The following ZNF699 variants were observed in gnomAD, a reference collection of about 807,000 sequenced individuals.
ZNF699 encodes the protein hangover homolog.
A neutral mutation model predicts 22.5 loss-of-function variants in ZNF699; 18 were observed. The ratio of observed to expected loss-of-function variants is 0.80; its 90% CI spans 0.55 to 1.19. The LOEUF (loss-of-function observed/expected upper bound fraction) is 1.19, where lower values mean the gene tolerates loss of function less well. ZNF699 is among the 50% of genes most tolerant of loss of function. The pLI is 0.00. For synonymous variants in ZNF699, 241 were observed against 262.3 expected (o/e 0.92, Z 0.78); for missense variants, 670 against 763.4 (o/e 0.88, Z 1.44).
At position 9,305,142 on chromosome 19, in the gene ZNF699, G is replaced by A. The variant is rs774885206; in HGVS notation, c.-5-18C>T. The A allele has an allele frequency of 1.2e-6, 2 of 1,610,958 alleles. No individual in the cohort carries two copies. The highest frequency in any genetic ancestry group is 1.7e-6 in the Non-Finnish European group (2 of 1,178,638). The stretch of plus-strand genomic sequence containing the variant: ...CATGTCGCCTTCATGAAGAAAAGCA[G>A]GATATTGAGAAGTTAGAATTAAAAA... On this transcript the variant is annotated intron_variant, in intron 1 of 5. Transcript: ENST00000591998.
At position 9,296,662 on chromosome 19, in the gene ZNF699, C is replaced by A; in HGVS notation, c.742G>T (p.Glu248Ter). The A allele has an allele frequency of 6.2e-7, 1 of 1,614,034 alleles. No individual in the cohort carries two copies. The highest frequency in any genetic ancestry group is 8.5e-7 in the Non-Finnish European group (1 of 1,180,012). The stretch of plus-strand genomic sequence containing the variant: ...CATTCCTTACATTCATAGGGCTTCT[C>A]TTCAGTGGGGGTTTTCATATGCTTC... ...FKKHMKTPTEEKPYECKECTK... is the reference protein window; with the variant it reads ...FKKHMKTPTE Residue 248 changes from glutamate to a stop codon, truncating the protein, a stop_gained, in exon 6 of 6, where the codon GAG (glutamate) becomes TAG (stop). Transcript: ENST00000591998. LOFTEE classifies it low-confidence loss of function (END_TRUNC).
In ZNF699 at chr19:9,297,710, GT is replaced by G. The variant is rs1279618435; in HGVS notation, c.286+169del. On this transcript the variant is annotated intron_variant, in intron 4 of 5. Transcript: ENST00000591998. This position sits in a 1 kb window ranked among gnomAD's most constrained non-coding sequence, Gnocchi z 4.3. ...AACTTACAAAGAGGAAACGTGGAAGGTCTTTGCCAAGAACAAGGAAAATGCG... is the reference window on the plus strand; with the variant it reads ...AACTTACAAAGAGGAAACGTGGAAGGCTTTGCCAAGAACAAGGAAAATGCG... Among the ~76,000 whole-genome samples, 1 of 152,194 alleles carries G rather than the reference GT, an allele frequency of 6.6e-6. No homozygotes were observed. Among genetic ancestry groups the G allele is most frequent in the African/African-American group, 2.4e-5 (1 of 41,442 alleles).
At position 9,294,395 on chromosome 19, in the gene ZNF699, C is replaced by A. The variant is rs1041604372; in HGVS notation, c.*1080G>T. 6.6e-5 allele frequency: 10 copies of A among 152,294 alleles called. No individual in the cohort carries two copies. Among genetic ancestry groups the A allele is most frequent in the African/African-American group, 2.2e-4 (9 of 41,442 alleles). The allele number at this position is 152,294 out of a possible 1,614,324, so 9.4% of individuals were successfully genotyped here. A position where few individuals can be genotyped will look rare whatever the true frequency, so the allele number is the denominator to read the frequency against. On this transcript the variant is annotated 3_prime_UTR_variant, in exon 6 of 6. Transcript: ENST00000591998. ...CAAGTGATCCTCCAGCCTCAGCTCCCTGAGTAGCTGGGACCACAGGTATGC... is the reference window on the plus strand; with the variant it reads ...CAAGTGATCCTCCAGCCTCAGCTCCATGAGTAGCTGGGACCACAGGTATGC...
chr19:9,297,254 T>C lies in ZNF699; in HGVS notation c.470+42A>G, dbSNP rs754999169. 7.9e-6 allele frequency: 12 copies of C among 1,527,840 alleles called. No homozygotes were observed. The highest frequency in any genetic ancestry group is 9.6e-6 in the Non-Finnish European group (11 of 1,141,276). The allele number at this position is 1,527,840 out of a possible 1,614,324, so 94.6% of individuals were successfully genotyped here. ...AATTTCATGACTTTAATTTTAAGAT[T>C]CTCTCCTGAGGCACTTTCTCTTTCT... On this transcript the variant is annotated intron_variant, in intron 5 of 5. Coordinates refer to ENST00000591998, the MANE Select transcript of ZNF699 (RefSeq NM_198535.3). The surrounding 1 kb of genome is among the most constrained non-coding windows in gnomAD (Gnocchi z 4.3).
chr19:9,297,857 C>T lies in ZNF699; in HGVS notation c.286+23G>A, dbSNP rs760626473. 2 of 1,566,706 alleles carry T rather than the reference C, an allele frequency of 1.3e-6. No homozygotes were observed. The highest frequency in any genetic ancestry group is 1.8e-6 in the Non-Finnish European group (2 of 1,141,870). On this transcript the variant is annotated intron_variant, in intron 4 of 5. Transcript: ENST00000591998. The surrounding 1 kb of genome is among the most constrained non-coding windows in gnomAD (Gnocchi z 4.3). ...AGTTTATTTTTTCCCCCAACCAAAA[C>T]AGTTTCTCCCAAGGGTTCTTGCCTT...
intron 3 of ZNF699, 36 bp downstream of exon 3, chr19:9,302,341 TC>T (rs1243980758): frequency 6.2e-7 from 1 of 1,611,158 alleles, no homozygotes; most frequent in Non-Finnish European, 8.5e-7. Context: ...AAAATAACTT[TC>T]TAAACAACTA....
In ZNF699 at chr19:9,295,603, A is replaced by T; in HGVS notation, c.1801T>A (p.Ser601Thr). The T allele has an allele frequency of 6.2e-7, 1 of 1,612,524 alleles. No individual in the cohort carries two copies. The highest frequency in any genetic ancestry group is 8.5e-7 in the Non-Finnish European group (1 of 1,179,630). Residue 601 changes from serine to threonine, a missense_variant, in exon 6 of 6, where the codon TCC becomes ACC. By Grantham distance (58) the Ser-to-Thr change is moderately conservative (BLOSUM62 1). Coordinates refer to ENST00000591998, the MANE Select transcript of ZNF699 (RefSeq NM_198535.3). ...TGGCTTCTCACATGCCTTCGAAAGGATGAGGGACAACTGAAAGCTTTTCCA... is the reference window on the plus strand; with the variant it reads ...TGGCTTCTCACATGCCTTCGAAAGGTTGAGGGACAACTGAAAGCTTTTCCA... ...ECGKAFSCPS[S>T]FRRHVRSHTG...
rs1174713946 is a variant in ZNF699, at chr19:9,296,227, A to G, written c.1177T>C (p.Cys393Arg). Residue 393 changes from cysteine (C) to arginine (R), a missense_variant, in exon 6 of 6, where the codon TGT becomes CGT. By Grantham distance (180) the Cys-to-Arg change is radical (BLOSUM62 -3). Coordinates refer to ENST00000591998, the MANE Select transcript of ZNF699 (RefSeq NM_198535.3). ...TTGTAGGCTTTCCCACATTCCTTAC[A>G]TTTATAGGGTTTCTCTCCAGTATGT... ...RTHTGEKPYK[C>R]KECGKAYNCP... The G allele has an allele frequency of 6.2e-7, 1 of 1,613,906 alleles. No individual in the cohort carries two copies. The highest frequency in any genetic ancestry group is 1.3e-5 in the African/African-American group (1 of 74,904).
In ZNF699 at chr19:9,305,059, A is replaced by G. The variant is rs2066322311; in HGVS notation, c.48+13T>C. ...GGAAATATTCTTTTGGACAATTATC[A>G]CCTTTTACTTACCTGTATTCTATTT... On this transcript the variant is annotated intron_variant, in intron 2 of 5. Coordinates refer to ENST00000591998, the MANE Select transcript of ZNF699 (RefSeq NM_198535.3). 3.1e-6 allele frequency: 5 copies of G among 1,607,242 alleles called. No homozygotes were observed. In the African/African-American group the frequency reaches 6.7e-5, roughly 22 times the overall value.
intron 3 of ZNF699, among the ~76,000 whole-genome samples, chr19:9,301,630 C>T (rs1217255470): frequency 6.6e-6 from 1 of 152,172 alleles, no homozygotes; most frequent in African/African-American, 2.4e-5. Context: ...TTTTCTAACA[C>T]CATCTTACTA....
At position 9,296,796 on chromosome 19, in the gene ZNF699, G is replaced by T; in HGVS notation, c.608C>A (p.Ala203Asp). The change falls in exon 6 of 6, where the codon GCC becomes GAC. Residue 203 changes from alanine (A) to aspartate (D), a missense_variant. Physicochemically the swap from Ala to Asp is moderately radical, Grantham distance 126 (BLOSUM62 -2). Transcript: ENST00000591998. ...KSCECHECGK[A>D]FVDHSSLKSH... Reference sequence around the variant, plus strand: ...CTTAAGGGATGAATGATCCACGAAGGCCTTTCCACACTCATGGCATTCACA... The same window carrying T: ...CTTAAGGGATGAATGATCCACGAAGTCCTTTCCACACTCATGGCATTCACA... 1 of 1,614,146 alleles carries T rather than the reference G, an allele frequency of 6.2e-7. No individual in the cohort carries two copies.
chr19:9,307,941 T>C (rs1233725391), intron 1 of ZNF699, among the ~76,000 whole-genome samples: 2 of 146,020 alleles, frequency 1.4e-5, no homozygotes, highest in African/African-American at 2.6e-5. Flanking sequence ...AGCGAGACTC[T>C]GTCTCAAAAA....
chr19:9,295,387 C>G lies in ZNF699; in HGVS notation c.*88G>C. ...ACGATGAGCAACAATTTCCTACTTT[C>G]TTACATTCATAGGGTGTCTCCACAG... On this transcript the variant is annotated 3_prime_UTR_variant, in exon 6 of 6. Transcript: ENST00000591998. 1 of 1,479,214 alleles carries G rather than the reference C, an allele frequency of 6.8e-7. No homozygotes were observed. Among genetic ancestry groups the G allele is most frequent in the Non-Finnish European group, 9.0e-7 (1 of 1,113,188 alleles). 91.6% of individuals were successfully genotyped at this position (1,479,214 alleles called of 1,614,324 possible). A position where few individuals can be genotyped will look rare whatever the true frequency, so the allele number is the denominator to read the frequency against.
At chr19:9,307,354 G>T (rs1281759417) in intron 1 of ZNF699, among the ~76,000 whole-genome samples, 2 of 152,096 alleles carry the variant, frequency 1.3e-5, no homozygotes. Context: ...ACTACATGAA[G>T]TCACAAGGAA....
Position 9,297,465 on chromosome 19 carries a change from G to A in ZNF699, c.301C>T (p.Leu101Phe), listed in dbSNP as rs971384702. The change falls in exon 5 of 6, where the codon CTT (leucine) becomes TTT (phenylalanine). Residue 101 changes from leucine to phenylalanine, a missense_variant. Physicochemically the swap from Leu to Phe is conservative, Grantham distance 22. Coordinates refer to ENST00000591998, the MANE Select transcript of ZNF699 (RefSeq NM_198535.3). The surrounding 1 kb of genome is among the most constrained non-coding windows in gnomAD (Gnocchi z 4.3). ...GAAGCAACTGATTCATTAGTTTTAA[G>A]TTGAGTCTCAAAACCTGAAACGAAA... ...GEHREGFETQ[L>F]KTNESVASQD... The A allele has an allele frequency of 1.3e-6, 2 of 1,568,024 alleles. No homozygotes were observed. The highest frequency in any genetic ancestry group is 2.8e-5 in the African/African-American group (2 of 71,944).
At chr19:9,306,268 T>C (rs963250807) in intron 1 of ZNF699, among the ~76,000 whole-genome samples, 13 of 152,022 alleles carry the variant, frequency 8.6e-5, no homozygotes, top group Non-Finnish European at 1.9e-4. Context: ...GGCGCAAGCC[T>C]GTAATCCCAG....
chr19:9,306,378 C>A (rs1223818877), intron 1 of ZNF699, among the ~76,000 whole-genome samples: 1 of 144,424 alleles, frequency 6.9e-6, no homozygotes, highest in African/African-American at 2.5e-5. Flanking sequence ...GGAGACAGAG[C>A]GAGACTCCAT....
rs545290088 is a variant in ZNF699, at chr19:9,302,270, A to T, written c.175+108T>A. 1.3e-4 allele frequency: 172 copies of T among 1,320,768 alleles called. 1 individual carries two copies. Among genetic ancestry groups the T allele is most frequent in the Middle Eastern group, 1.3e-3 (5 of 3,924 alleles). The allele number at this position is 1,320,768 out of a possible 1,614,324, so 81.8% of individuals were successfully genotyped here. A position where few individuals can be genotyped will look rare whatever the true frequency, so the allele number is the denominator to read the frequency against. On this transcript the variant is annotated intron_variant, in intron 3 of 5. Coordinates refer to ENST00000591998, the MANE Select transcript of ZNF699 (RefSeq NM_198535.3). ...TGGGGTCAGTGACCATATCTGTCTT[A>T]CTTACCAATGTCTTCCCATTCCTCA...
chr19:9,302,427 G>T lies in ZNF699; in HGVS notation c.126C>A (p.Asn42Lys). The stretch of plus-strand genomic sequence containing the variant: ...TTTCCAGCATCACATCTCTGTAGAG[G>T]TTTCTCTGAGCAAGATCCAGCAAAG... ...EWALLDLAQR[N>K]LYRDVMLENF... is the part of the protein sequence containing the mutation. The change falls in exon 3 of 6, where the codon AAC becomes AAA. Residue 42 changes from asparagine (N) to lysine (K), a missense_variant. Asn to Lys is a moderately conservative substitution (Grantham distance 94, BLOSUM62 0). Coordinates refer to ENST00000591998, the MANE Select transcript of ZNF699 (RefSeq NM_198535.3). The T allele has an allele frequency of 6.2e-7, 1 of 1,613,960 alleles. No homozygotes were observed. The highest frequency in any genetic ancestry group is 1.7e-5 in the Admixed American group (1 of 60,008).
Sources: allele counts gnomAD v4.1 joint callset (sites outside exome capture counted in the v4.1 genomes callset), GRCh38; gene constraint gnomAD v4.1.1; non-coding constraint Gnocchi (gnomAD v3.1); transcripts MANE v1.5; gene names NCBI Gene and HGNC (gene_info 2026-07-23, HGNC 2026-07-21).